KDSR: variants seen among roughly 807,000 people sequenced by gnomAD.
The protein encoded by KDSR is 3-ketodihydrosphingosine reductase, also known as 3-dehydrosphinganine reductase.
In KDSR, 23 loss-of-function variants were observed where a neutral mutation model predicts 41.3. The observed-to-expected ratio is 0.56, with a 90% CI of 0.40 to 0.79. KDSR has a LOEUF of 0.79. KDSR is among the 30% of genes least tolerant of loss of function. The pLI, the probability that KDSR is intolerant of heterozygous loss-of-function variation, is 0.00. For synonymous variants in KDSR, 138 were observed against 151.7 expected (o/e 0.91, Z 0.66); for missense variants, 351 against 416.8 (o/e 0.84, Z 1.37).
At chr18:63,359,643 CA>C in intron 3 of KDSR, 92 bp downstream of exon 3, 1 of 832,400 alleles carries the variant, frequency 1.2e-6, no homozygotes, top group Non-Finnish European at 2.1e-6. Flanking sequence ...TATATGCTTT[CA>C]ATTAACTATT....
At chr18:63,351,404 A>G (rs1307893268) in intron 5 of KDSR, among the ~76,000 whole-genome samples, 1 of 152,240 alleles carries the variant, frequency 6.6e-6, no homozygotes, top group African/African-American at 2.4e-5. Context: ...GTTTGTGGGT[A>G]GTACTTTCTG....
At chr18:63,358,206 G>A (rs1175863973) in intron 3 of KDSR, among the ~76,000 whole-genome samples, 2 of 151,822 alleles carry the variant, frequency 1.3e-5, no homozygotes, top group Non-Finnish European at 2.9e-5. Flanking sequence ...TAATAATATT[G>A]AGTGAAGAAA....
At chr18:63,339,118 A>G (rs898124458) in intron 7 of KDSR, among the ~76,000 whole-genome samples, 1 of 152,254 alleles carries the variant, frequency 6.6e-6, no homozygotes, top group East Asian at 1.9e-4. Flanking sequence ...CTCTTAGAAC[A>G]TACGGAGTCT....
chr18:63,344,029 T>C (rs1256078844), intron 7 of KDSR, among the ~76,000 whole-genome samples: 1 of 152,080 alleles, frequency 6.6e-6, no homozygotes, highest in Non-Finnish European at 1.5e-5. Flanking sequence ...AATTAAAAAT[T>C]AGCTAGGTGT....
At chr18:63,357,838 A>G (rs1276049933) in intron 3 of KDSR, among the ~76,000 whole-genome samples, 1 of 152,020 alleles carries the variant, frequency 6.6e-6, no homozygotes, top group East Asian at 1.9e-4. Flanking sequence ...CGGCCTCTCA[A>G]AATGTTGGGA....
rs1041841743 is a variant in KDSR, at chr18:63,328,639, C to T, written c.*3143G>A. On this transcript the variant is annotated 3_prime_UTR_variant, in exon 10 of 10. Coordinates refer to ENST00000645214, the MANE Select transcript of KDSR (RefSeq NM_002035.4). Reference sequence around the variant, plus strand: ...CCTCCCAAAGTGCTGGGATTACTGGCGTGAGCCACCACGCCCGGCCCAGAG... The same window carrying T: ...CCTCCCAAAGTGCTGGGATTACTGGTGTGAGCCACCACGCCCGGCCCAGAG... The T allele has an allele frequency of 3.1e-5, 5 of 163,832 alleles. No homozygotes were observed. The highest frequency in any genetic ancestry group is 2.6e-4 in the East Asian group (2 of 7,712). 10.1% of individuals were successfully genotyped at this position (163,832 alleles called of 1,614,324 possible).
At position 63,355,189 on chromosome 18, in the gene KDSR, A is replaced by G; in HGVS notation, c.417+15T>C. On this transcript the variant is annotated intron_variant, in intron 5 of 9. Coordinates refer to ENST00000645214, the MANE Select transcript of KDSR (RefSeq NM_002035.4). ...AGCATATGTGCTACTGCAGTGAGCA[A>G]ACATTTTTACTTACTTCAAAGGTAC... 1 of 1,578,462 alleles carries G rather than the reference A, an allele frequency of 6.3e-7. No homozygotes were observed. Among genetic ancestry groups the G allele is most frequent in the East Asian group, 2.2e-5 (1 of 44,722 alleles).
intron 1 of KDSR, among the ~76,000 whole-genome samples, chr18:63,365,269 A>C (rs1432471270): frequency 6.6e-6 from 1 of 152,278 alleles, no homozygotes; most frequent in East Asian, 1.9e-4. Flanking sequence ...ACTAGTATAT[A>C]AAATTGTTTT....
chr18:63,362,774 CT>C lies in KDSR; in HGVS notation c.198+4del. The C allele has an allele frequency of 6.3e-7, 1 of 1,599,590 alleles. No homozygotes were observed. The highest frequency in any genetic ancestry group is 8.6e-7 in the Non-Finnish European group (1 of 1,167,234). On this transcript the variant is annotated splice_donor_region_variant and intron_variant, in intron 2 of 9. Transcript: ENST00000645214. ...AGTCAGTAATAATGAACCTAGAAGC[CT>C]TACCTCATTTCGTGCAACCAGAGTT...
At chr18:63,346,338 T>G in intron 6 of KDSR, 1 of 152,276 alleles carries the variant, frequency 6.6e-6, no homozygotes, top group East Asian at 1.9e-4. Flanking sequence ...TATAAAAACC[T>G]TGTCTCCCCC....
At chr18:63,350,260 G>T (rs571896779) in intron 6 of KDSR, among the ~76,000 whole-genome samples, 1 of 152,348 alleles carries the variant, frequency 6.6e-6, no homozygotes, top group Admixed American at 6.5e-5. Flanking sequence ...CATCATGACA[G>T]ACGCTATTTT....
intron 8 of KDSR, among the ~76,000 whole-genome samples, chr18:63,336,494 T>C (rs900829710): frequency 1.3e-5 from 2 of 152,092 alleles, no homozygotes; most frequent in Non-Finnish European, 2.9e-5. Context: ...CAAGAAAAAA[T>C]TAAGATTTGG....
intron 6 of KDSR, among the ~76,000 whole-genome samples, chr18:63,346,804 C>T (rs970634156): frequency 2.0e-5 from 3 of 152,198 alleles, no homozygotes; most frequent in Non-Finnish European, 4.4e-5. Flanking sequence ...TGAATTACTT[C>T]TACATGCCAG....
chr18:63,363,689 C>T (rs1227631963), intron 1 of KDSR, among the ~76,000 whole-genome samples: 1 of 152,110 alleles, frequency 6.6e-6, no homozygotes. Context: ...AGCTCTACAA[C>T]AGATGAAAAG....
At chr18:63,339,045 T>C (rs1914267014) in intron 7 of KDSR, among the ~76,000 whole-genome samples, 162 bp from the exon 8 acceptor site, 1 of 152,268 alleles carries the variant, frequency 6.6e-6, no homozygotes, top group Non-Finnish European at 1.5e-5. Context: ...AATCAGTGTC[T>C]ACCTAGTTAC....
intron 3 of KDSR, among the ~76,000 whole-genome samples, chr18:63,357,393 GAACA>G (rs1914825529): frequency 6.6e-6 from 1 of 150,488 alleles, no homozygotes; most frequent in Non-Finnish European, 1.5e-5. Context: ...AAAATACTGG[GAACA>G]AACTAAATAT....
In KDSR at chr18:63,329,560, C is replaced by T. The variant is rs373205229; in HGVS notation, c.*2222G>A. ...TTCTTCTCTGACATGATGGTCTCTG[C>T]AAATCTGCTCTCATATTTCAGTGGA... On this transcript the variant is annotated 3_prime_UTR_variant, in exon 10 of 10. Coordinates refer to ENST00000645214, the MANE Select transcript of KDSR (RefSeq NM_002035.4). The T allele has an allele frequency of 9.9e-6, 2 of 202,156 alleles. No homozygotes were observed. 12.5% of individuals were successfully genotyped at this position (202,156 alleles called of 1,614,324 possible).
At chr18:63,349,251 T>C (rs985593704) in intron 6 of KDSR, among the ~76,000 whole-genome samples, 2 of 152,100 alleles carry the variant, frequency 1.3e-5, no homozygotes, top group Non-Finnish European at 2.9e-5. Flanking sequence ...GGCATGGTAG[T>C]GTGCACTTGT....
intron 8 of KDSR, among the ~76,000 whole-genome samples, chr18:63,337,475 C>T (rs1296423341): frequency 1.3e-5 from 2 of 152,168 alleles, no homozygotes; most frequent in African/African-American, 4.8e-5. Context: ...TCAAATATGG[C>T]AAATATCAAT....
Sources: gnomAD v4.1 joint callset for allele counts (sites outside exome capture counted in the v4.1 genomes callset) on GRCh38, gnomAD v4.1.1 for gene constraint, MANE v1.5 for transcripts, NCBI Gene and HGNC (gene_info 2026-07-23, HGNC 2026-07-21) for gene names.